NUTM2G: variants seen among roughly 807,000 people sequenced by gnomAD.
NUTM2G encodes the protein family with sequence similarity 22, member G.
A neutral mutation model predicts 44.3 loss-of-function variants in NUTM2G; 29 were observed. That is an observed-to-expected ratio of 0.66 (90% CI 0.49 to 0.89). The LOEUF (loss-of-function observed/expected upper bound fraction) is 0.89, where lower values mean the gene tolerates loss of function less well. Among genes scored for constraint, NUTM2G ranks in the 40% least tolerant of loss-of-function variants. The pLI, the probability that NUTM2G is intolerant of heterozygous loss-of-function variation, is 0.00. For missense variants in NUTM2G, 502 were observed against 946.5 expected (o/e 0.53, Z 6.16); for synonymous variants, 205 against 395.9 (o/e 0.52, Z 5.72).
chr9:96,935,474 G>A lies in NUTM2G; in HGVS notation c.842+18G>A, dbSNP rs775690999. The A allele has an allele frequency of 1.2e-5, 19 of 1,611,924 alleles. No homozygotes were observed. Among genetic ancestry groups the A allele is most frequent in the Non-Finnish European group, 1.5e-5 (18 of 1,179,866 alleles). Reference sequence around the variant, plus strand: ...GCGGCAAAGTGAGTCTGGGGTCCTGGGGGCAGGGCCCGTGTGGCGGGGTGA... The same window carrying A: ...GCGGCAAAGTGAGTCTGGGGTCCTGAGGGCAGGGCCCGTGTGGCGGGGTGA... On this transcript the variant is annotated intron_variant, in intron 3 of 6. Transcript: ENST00000372322.
intron 3 of NUTM2G, 67 bp from the exon 4 acceptor site, chr9:96,936,358 G>A: frequency 6.5e-7 from 1 of 1,539,428 alleles, no homozygotes; most frequent in Non-Finnish European, 8.7e-7. Context: ...GCCCTCGGCT[G>A]CTGCCTGGTC....
At chr9:96,938,024 AC>A in intron 6 of NUTM2G, 23 bp downstream of exon 6, 2 of 1,612,288 alleles carry the variant, frequency 1.2e-6, no homozygotes, top group Non-Finnish European at 1.7e-6. Flanking sequence ...AGGGAGGGGA[AC>A]CCAGGTACTC....
At chr9:96,934,025 G>A (rs1246837434) in intron 2 of NUTM2G, 1 of 152,206 alleles carries the variant, frequency 6.6e-6, no homozygotes, top group Non-Finnish European at 1.5e-5. Flanking sequence ...CACATTACAT[G>A]ACAGCAATTA....
chr9:96,937,556 T>G (rs1305555419), intron 5 of NUTM2G, 152 bp downstream of exon 5: 4 of 857,030 alleles, frequency 4.7e-6, no homozygotes, highest in East Asian at 2.7e-5. Context: ...GTCTGTGTGT[T>G]GCTGTGTGTT....
intron 5 of NUTM2G, 42 bp from the exon 6 acceptor site, chr9:96,937,843 T>C (rs746817263): frequency 5.6e-6 from 9 of 1,601,504 alleles, no homozygotes; most frequent in African/African-American, 1.3e-5. Flanking sequence ...TCCAGGTTAC[T>C]CCCTCCCCAG....
At position 96,937,380 on chromosome 9, in the gene NUTM2G, T is replaced by A. The variant is rs371927858; in HGVS notation, c.1299T>A (p.Cys433Ter). ...TCCTGAGCTACATTGACAAGCTGTG[T>A]TCCCAGGAAGACTTTGTCACCAAGG... ...PGLLSYIDKLCSQEDFVTKVE... is the reference protein window; with the variant it reads ...PGLLSYIDKL Residue 433 changes from cysteine to a stop codon, truncating the protein, a stop_gained, in exon 5 of 7, where the codon TGT becomes TGA. Transcript: ENST00000372322. LOFTEE classifies it high-confidence loss of function. 3 of 1,613,768 alleles carry A rather than the reference T, an allele frequency of 1.9e-6. No individual in the cohort carries two copies. Among genetic ancestry groups the A allele is most frequent in the East Asian group, 4.5e-5 (2 of 44,868 alleles).
chr9:96,933,046 C>T (rs377079056), intron 2 of NUTM2G, among the ~76,000 whole-genome samples: 7 of 146,830 alleles, frequency 4.8e-5, no homozygotes, highest in East Asian at 2.1e-4. Flanking sequence ...GGCGTGATCT[C>T]GGCTCACTGC....
At chr9:96,933,951 T>C (rs1241559609) in intron 2 of NUTM2G, 1 of 152,226 alleles carries the variant, frequency 6.6e-6, no homozygotes. Flanking sequence ...ATTCAGAGGA[T>C]GGCAAAGAGA....
intron 1 of NUTM2G, among the ~76,000 whole-genome samples, chr9:96,930,871 G>GTTTTTTTTTTTTTTTTTTTTTTTTTTTTT (rs1310362219): frequency 9.6e-6 from 1 of 104,404 alleles, no homozygotes; most frequent in African/African-American, 3.7e-5. Context: ...TCCATCCAGT[G>GTTTTTTTTTTTTTTTTTTTTTTTTTTTTT]GTTTTTTTTT....
chr9:96,931,020 G>A (rs942722342), intron 1 of NUTM2G, among the ~76,000 whole-genome samples: 8 of 151,256 alleles, frequency 5.3e-5, no homozygotes, highest in Non-Finnish European at 8.8e-5. Flanking sequence ...TCAGCCTCCT[G>A]AGTAGCTGCG....
At chr9:96,942,834 A>G (rs987163286), downstream of NUTM2G, 3 of 151,912 alleles carry the variant, frequency 2.0e-5, no homozygotes, top group Admixed American at 6.5e-5. Flanking sequence ...GGATCACAAG[A>G]TTCCTAATAA....
In NUTM2G at chr9:96,936,621, G is replaced by A. The variant is rs534967132; in HGVS notation, c.982+57G>A. The A allele has an allele frequency of 4.5e-3, 6,819 of 1,529,372 alleles. 25 individuals are homozygous for A. The highest frequency in any genetic ancestry group is 4.9e-3 in the Non-Finnish European group (5,556 of 1,144,462). 94.7% of individuals were successfully genotyped at this position (1,529,372 alleles called of 1,614,324 possible). On this transcript the variant is annotated intron_variant, in intron 4 of 6. Transcript: ENST00000372322. ...GGCAAAGGCCAAAGGGGCCAAGGGA[G>A]GCCACTGTCCCCACATCCCATGCTT...
chr9:96,932,978 C>CTTTTTTTTTT (rs573653882), intron 2 of NUTM2G, among the ~76,000 whole-genome samples: 4 of 129,420 alleles, frequency 3.1e-5, no homozygotes, highest in East Asian at 2.7e-4. Flanking sequence ...CTTTTCTTTT[C>CTTTTTTTTTT]TTTTTTTTTT....
At chr9:96,940,808 C>T (rs1826572663), downstream of NUTM2G, among the ~76,000 whole-genome samples, 3 of 152,272 alleles carry the variant, frequency 2.0e-5, no homozygotes, top group Non-Finnish European at 4.4e-5. Context: ...CCACAGAACA[C>T]AGCAGTCAGC....
At position 96,937,544 on chromosome 9, in the gene NUTM2G, G is replaced by C; in HGVS notation, c.1323+140G>C. ...TGAGTGTCTGTGTATGTGACTGTGTGTGTCTGTGTGTTGCTGTGTGTTTGT... is the reference window on the plus strand; with the variant it reads ...TGAGTGTCTGTGTATGTGACTGTGTCTGTCTGTGTGTTGCTGTGTGTTTGT... On this transcript the variant is annotated intron_variant, in intron 5 of 6. Transcript: ENST00000372322. 3.8e-6 allele frequency: 3 copies of C among 792,998 alleles called. No homozygotes were observed. In the African/African-American group the frequency reaches 5.2e-5, roughly 14 times the overall value. The allele number at this position is 792,998 out of a possible 1,614,324, so 49.1% of individuals were successfully genotyped here. A position where few individuals can be genotyped will look rare whatever the true frequency, so the allele number is the denominator to read the frequency against.
chr9:96,936,277 C>T (rs1168695207), intron 3 of NUTM2G, 148 bp from the exon 4 acceptor site: 2 of 1,419,824 alleles, frequency 1.4e-6, no homozygotes, highest in African/African-American at 2.9e-5. Context: ...GGAGCAGCTC[C>T]CTCCTGGGAC....
downstream of NUTM2G, among the ~76,000 whole-genome samples, chr9:96,940,511 C>T (rs1192631423): frequency 6.6e-6 from 1 of 150,456 alleles, no homozygotes; most frequent in Non-Finnish European, 1.5e-5. Flanking sequence ...AATCTCAGAT[C>T]CCAGCATGGA....
intron 5 of NUTM2G, 129 bp downstream of exon 5, chr9:96,937,533 T>A (rs1463404402): frequency 2.5e-6 from 2 of 801,336 alleles, no homozygotes; most frequent in Non-Finnish European, 4.0e-6. Flanking sequence ...TGTCTGTGTA[T>A]GTGACTGTGT....
chr9:96,934,952 G>A (rs1435260290), intron 2 of NUTM2G, among the ~76,000 whole-genome samples: 1 of 151,796 alleles, frequency 6.6e-6, no homozygotes, highest in Non-Finnish European at 1.5e-5. Flanking sequence ...CCTTATCAGA[G>A]CTCGGATTCC....
Sources: allele counts gnomAD v4.1 joint callset (sites outside exome capture counted in the v4.1 genomes callset), GRCh38; gene constraint gnomAD v4.1.1; transcripts MANE v1.5; gene names NCBI Gene and HGNC (gene_info 2026-07-23, HGNC 2026-07-21).